The following ATP2B2 variants were observed in gnomAD, a reference collection of about 807,000 sequenced individuals.
ATP2B2 encodes ATPase plasma membrane Ca2+ transporting 2, also known as plasma membrane calcium-transporting ATPase 2.
ATP2B2 carries 15 observed loss-of-function variants against 120.0 expected under a neutral mutation model. That is an observed-to-expected ratio of 0.12 (90% confidence interval 0.08 to 0.19). The LOEUF (loss-of-function observed/expected upper bound fraction) is 0.19. ATP2B2 is among the 10% of genes least tolerant of loss of function. The probability of loss-of-function intolerance (pLI) is 1.00; values close to 1 mark genes in which losing one functional copy is unlikely to be tolerated. For synonymous variants in ATP2B2, 694 were observed against 700.3 expected (o/e 0.99, Z 0.14); for missense variants, 1,045 against 1,719.8 (o/e 0.61, Z 6.94).
Position 10,434,399 on chromosome 3 carries a change from T to C in ATP2B2, c.199+14946A>G, listed in dbSNP as rs1228501083. ...GGCCTGCAGGCCACAGTGAGGAGTT[T>C]TGATTTCATTCTGAGAGCAGTGGGA... On this transcript the variant is annotated intron_variant, in intron 2 of 22. Transcript: ENST00000360273. Among the ~76,000 whole-genome samples, 3 of 152,192 alleles carry C rather than the reference T, an allele frequency of 2.0e-5. No individual in the cohort carries two copies. The East Asian group carries it at 5.8e-4, about 29-fold the overall frequency.
intron 22 of ATP2B2, chr3:10,336,396 G>A (rs2060118927): frequency 1.8e-5 from 22 of 1,212,574 alleles, no homozygotes; most frequent in South Asian, 2.9e-5. Flanking sequence ...CCGCAGCCAC[G>A]GCAACAACGA....
intron 1 of ATP2B2, among the ~76,000 whole-genome samples, chr3:10,479,677 T>A (rs1424658146): frequency 1.3e-5 from 2 of 152,204 alleles, no homozygotes; most frequent in African/African-American, 4.8e-5. Context: ...GGCCTGTGTC[T>A]ACGTTTTCAT....
chr3:10,356,643 G>T (rs1037858895), intron 14 of ATP2B2, among the ~76,000 whole-genome samples: 3 of 152,234 alleles, frequency 2.0e-5, no homozygotes, highest in Admixed American at 1.3e-4. Context: ...GCCCGGGAAG[G>T]GGGAGGCTGT....
Position 10,449,623 on chromosome 3 carries a change from T to G in ATP2B2, c.-80A>C. 1.3e-6 allele frequency: 2 copies of G among 1,548,588 alleles called. No individual in the cohort carries two copies. Among genetic ancestry groups the G allele is most frequent in the Non-Finnish European group, 1.8e-6 (2 of 1,123,534 alleles). On this transcript the variant is annotated 5_prime_UTR_variant, in exon 2 of 23. Transcript: ENST00000360273. The stretch of plus-strand genomic sequence containing the variant: ...CTGCCGGGTGATGGCTGCTTGTGGC[T>G]GTCCTCAGCACACCCTCACTGGTCA...
chr3:10,615,825 ACT>A (rs2069370850), intron 2 of ATP2B2, among the ~76,000 whole-genome samples: 1 of 152,178 alleles, frequency 6.6e-6, no homozygotes, highest in Admixed American at 6.5e-5. Context: ...ACTTCTTCTC[ACT>A]TCATGAGAGT....
chr3:10,618,354 C>T (rs141965799), intron 2 of ATP2B2, among the ~76,000 whole-genome samples: 24 of 152,228 alleles, frequency 1.6e-4, no homozygotes, highest in African/African-American at 3.6e-4. Flanking sequence ...TGGTAGGGCA[C>T]GGCAAATACC....
At chr3:10,443,353 G>T (rs140081178) in intron 2 of ATP2B2, among the ~76,000 whole-genome samples, 75 of 151,966 alleles carry the variant, frequency 4.9e-4, no homozygotes, top group African/African-American at 1.8e-3. Flanking sequence ...GGACTGACCC[G>T]TGCCCTCTGG....
chr3:10,395,610 C>G (rs1265090953), intron 5 of ATP2B2, among the ~76,000 whole-genome samples: 2 of 152,256 alleles, frequency 1.3e-5, no homozygotes, highest in Non-Finnish European at 2.9e-5. Context: ...ATCCTTGCAA[C>G]TTTTCTGAAA....
At chr3:10,705,504 C>G (rs2125722867) in intron 1 of ATP2B2, among the ~76,000 whole-genome samples, 1 of 152,370 alleles carries the variant, frequency 6.6e-6, no homozygotes, top group Middle Eastern at 3.4e-3. Context: ...TCTGCTCCCA[C>G]TGCACATCTA....
intron 3 of ATP2B2, 60 bp downstream of exon 3, chr3:10,410,558 C>A (rs41293355): frequency 6.6e-7 from 1 of 1,522,752 alleles, no homozygotes; most frequent in South Asian, 1.3e-5. Context: ...TGAGTGCCCC[C>A]CAGCGTGGAT....
intron 2 of ATP2B2, among the ~76,000 whole-genome samples, chr3:10,558,811 G>C (rs1342985720): frequency 1.3e-5 from 2 of 152,092 alleles, no homozygotes; most frequent in Non-Finnish European, 1.5e-5. Flanking sequence ...TGAGGGGAGA[G>C]CACGGAATAA....
At chr3:10,465,050 C>T (rs536480533) in intron 1 of ATP2B2, among the ~76,000 whole-genome samples, 2 of 152,356 alleles carry the variant, frequency 1.3e-5, no homozygotes, top group South Asian at 4.1e-4. Flanking sequence ...TCTTGGGCTG[C>T]TCTGGGGAGG....
intron 1 of ATP2B2, among the ~76,000 whole-genome samples, chr3:10,687,150 G>A (rs1345090534): frequency 6.6e-6 from 1 of 152,228 alleles, no homozygotes; most frequent in East Asian, 1.9e-4. Flanking sequence ...GGATTAAAGA[G>A]CAGGAGTTTG....
intron 6 of ATP2B2, 81 bp from the exon 7 acceptor site, chr3:10,386,593 A>C: frequency 1.4e-6 from 2 of 1,461,696 alleles, no homozygotes; most frequent in Non-Finnish European, 1.9e-6. Flanking sequence ...ACACACACAA[A>C]CACACATGTG....
intron 3 of ATP2B2, among the ~76,000 whole-genome samples, chr3:10,512,944 C>T (rs1008775074): frequency 3.3e-5 from 5 of 152,198 alleles, no homozygotes; most frequent in Admixed American, 6.5e-5. Context: ...TTGTAAAATG[C>T]GCACGATGCC....
chr3:10,344,789 C>T (rs539124394), intron 18 of ATP2B2, among the ~76,000 whole-genome samples: 2 of 152,218 alleles, frequency 1.3e-5, no homozygotes, highest in Non-Finnish European at 2.9e-5. Flanking sequence ...AGTCAGTCTG[C>T]AGACATCTGG....
At chr3:10,388,464 T>A (rs1441073160) in intron 5 of ATP2B2, 62 bp from the exon 6 acceptor site, 3 of 1,611,724 alleles carry the variant, frequency 1.9e-6, no homozygotes, top group African/African-American at 1.3e-5. Context: ...CCCAAAGGAG[T>A]GAAAAAATGT....
At chr3:10,618,631 T>C (rs1170568251) in intron 2 of ATP2B2, among the ~76,000 whole-genome samples, 1 of 152,078 alleles carries the variant, frequency 6.6e-6, no homozygotes, top group African/African-American at 2.4e-5. Context: ...ACCTTTTGCT[T>C]TTCCACCAAA....
chr3:10,492,484 C>T (rs1421380564), intron 1 of ATP2B2, among the ~76,000 whole-genome samples: 1 of 152,180 alleles, frequency 6.6e-6, no homozygotes, highest in Non-Finnish European at 1.5e-5. Flanking sequence ...TTCTCTGAGC[C>T]CCACCTCCAA....
Sources: gnomAD v4.1 joint callset for allele counts (sites outside exome capture counted in the v4.1 genomes callset) on GRCh38, gnomAD v4.1.1 for gene constraint, MANE v1.5 for transcripts, NCBI Gene and HGNC (gene_info 2026-07-23, HGNC 2026-07-21) for gene names.